Variants in DPP6 observed in about 807,000 individuals in gnomAD.
The protein encoded by DPP6 is A-type potassium channel modulatory protein DPP6.
Under a neutral mutation model 122.6 loss-of-function variants are expected in DPP6, and 69 were observed. The observed-to-expected ratio is 0.56, with a 90% CI of 0.46 to 0.69. The LOEUF is 0.69. Ranked by LOEUF, DPP6 falls within the 30% of genes least tolerant of loss-of-function variation. The probability of loss-of-function intolerance (pLI) is 0.00; values close to 1 mark genes in which losing one functional copy is unlikely to be tolerated. For missense variants in DPP6, 928 were observed against 1,116.9 expected, an observed-to-expected ratio of 0.83 and a Z score of 2.41; for synonymous variants, 418 against 433.1, an observed-to-expected ratio of 0.97 and a Z score of 0.43.
At chr7:154,762,003 G>A (rs2131517390) in intron 8 of DPP6, among the ~76,000 whole-genome samples, 1 of 152,264 alleles carries the variant, frequency 6.6e-6, no homozygotes, top group Non-Finnish European at 1.5e-5. Flanking sequence ...CTTCATCCAT[G>A]TCCCAAACAG....
chr7:154,466,992 G>A (rs1161888649), intron 2 of DPP6, among the ~76,000 whole-genome samples: 1 of 152,220 alleles, frequency 6.6e-6, no homozygotes, highest in Non-Finnish European at 1.5e-5. Flanking sequence ...CATCTGTACT[G>A]TGGCTCTGAG....
chr7:153,769,978 T>A, the DPP6 span, among the ~76,000 whole-genome samples: 3 of 151,970 alleles, frequency 2.0e-5, no homozygotes, highest in Admixed American at 2.0e-4. Flanking sequence ...GAAGGCAGGG[T>A]TCATATTCTC....
intron 1 of DPP6, among the ~76,000 whole-genome samples, chr7:154,088,224 C>T (rs1286782525): frequency 6.6e-6 from 1 of 152,030 alleles, no homozygotes; most frequent in Non-Finnish European, 1.5e-5. Context: ...AGGGGCTGTG[C>T]TCTCTGCCTG....
rs372263783 is a variant in DPP6 at position 154,425,408 on chromosome 7, T to C, written c.244-20806T>C. Among the ~76,000 whole-genome samples, 140 of 152,264 alleles carry C rather than the reference T, an allele frequency of 9.2e-4. 1 individual carries two copies. Among genetic ancestry groups the C allele is most frequent in the Middle Eastern group, 3.4e-3 (1 of 294 alleles). On this transcript the variant is annotated intron_variant, in intron 1 of 25. Transcript: ENST00000377770. ...GTAGGTAATTTGTGCAGCCCTAACA[T>C]TTCTCCCCTCTGGAGCTTAGCTGTA... is the stretch of plus-strand genomic sequence containing the variant.
chr7:153,903,071 G>A (rs1451010806), intron 1 of DPP6, among the ~76,000 whole-genome samples: 2 of 152,168 alleles, frequency 1.3e-5, no homozygotes, highest in Admixed American at 1.3e-4. Flanking sequence ...CTGAGTGCTC[G>A]AGATGTTGAC....
chr7:154,505,035 G>A (rs1825564384), intron 3 of DPP6, among the ~76,000 whole-genome samples: 1 of 152,130 alleles, frequency 6.6e-6, no homozygotes, highest in South Asian at 2.1e-4. Context: ...CTAGGAGACT[G>A]TCTCTTGACT....
At chr7:153,958,945 G>T (rs1172907856) in intron 1 of DPP6, among the ~76,000 whole-genome samples, 1 of 152,000 alleles carries the variant, frequency 6.6e-6, no homozygotes, top group Non-Finnish European at 1.5e-5. Flanking sequence ...CCCCCTGCTT[G>T]TAGTAATAAT....
chr7:154,831,896 G>C (rs1325660604), intron 16 of DPP6, among the ~76,000 whole-genome samples: 2 of 152,174 alleles, frequency 1.3e-5, no homozygotes, highest in African/African-American at 4.8e-5. Flanking sequence ...TCAGCTGCTA[G>C]CTTGAGATTC....
At chr7:154,057,621 G>A (rs1387771949) in intron 1 of DPP6, 1 of 150,860 alleles carries the variant, frequency 6.6e-6, no homozygotes, top group Non-Finnish European at 1.5e-5. Context: ...GAGCTGTGGG[G>A]TTTTGTAGGC....
At chr7:153,880,967 A>G in the DPP6 span, among the ~76,000 whole-genome samples, 25 of 152,212 alleles carry the variant, frequency 1.6e-4, no homozygotes, top group Non-Finnish European at 1.8e-4. Context: ...AGGTTGGTTT[A>G]TGTATACCCT....
chr7:153,850,669 G>A, the DPP6 span, among the ~76,000 whole-genome samples: 3 of 152,162 alleles, frequency 2.0e-5, no homozygotes, highest in Non-Finnish European at 4.4e-5. Context: ...ATGGCAGAAG[G>A]TGAATGAGGA....
intron 1 of DPP6, among the ~76,000 whole-genome samples, chr7:154,150,089 T>A (rs1796334736): frequency 6.6e-6 from 1 of 152,242 alleles, no homozygotes; most frequent in Admixed American, 6.5e-5. Context: ...CACAGTGGGA[T>A]TCTGATGCCT....
At chr7:153,850,598 T>G in the DPP6 span, among the ~76,000 whole-genome samples, 2 of 152,096 alleles carry the variant, frequency 1.3e-5, no homozygotes, top group African/African-American at 4.8e-5. Flanking sequence ...ATTGTGTAAT[T>G]TATAAAGGAA....
At chr7:154,627,367 T>C (rs1835152529) in intron 5 of DPP6, among the ~76,000 whole-genome samples, 1 of 151,610 alleles carries the variant, frequency 6.6e-6, no homozygotes, top group Admixed American at 6.6e-5. Flanking sequence ...AGCTAATTTT[T>C]TTTTGTATTT....
rs1799662234 is a variant in DPP6 at position 153,902,135 on chromosome 7, A to G, written c.51+14401A>G. ...ACCAGAATGGTGATGCACATCACAGACAAGATGCTAAAAGATCACAAAGAC... is the reference window on the plus strand; with the variant it reads ...ACCAGAATGGTGATGCACATCACAGGCAAGATGCTAAAAGATCACAAAGAC... On this transcript the variant is annotated intron_variant, in intron 1 of 25. Coordinates refer to the DPP6 transcript ENST00000404039. 2.0e-5 allele frequency among the ~76,000 whole-genome samples: 3 copies of G among 152,252 alleles called. No individual in the cohort carries two copies. In the South Asian group the frequency reaches 6.2e-4, roughly 31 times the overall value.
intron 1 of DPP6, among the ~76,000 whole-genome samples, chr7:154,169,526 T>G (rs989720933): frequency 3.3e-5 from 5 of 152,202 alleles, no homozygotes; most frequent in African/African-American, 1.2e-4. Flanking sequence ...CTTGATTTCC[T>G]TCATTTTAAA....
the DPP6 span, among the ~76,000 whole-genome samples, chr7:153,820,178 A>C: frequency 6.6e-6 from 1 of 152,200 alleles, no homozygotes; most frequent in Non-Finnish European, 1.5e-5. Flanking sequence ...CAATAGTACA[A>C]GCCTCAACAT....
chr7:153,844,591 G>A, the DPP6 span, among the ~76,000 whole-genome samples: 1 of 152,128 alleles, frequency 6.6e-6, no homozygotes, highest in East Asian at 1.9e-4. Context: ...TTCTTTTTCT[G>A]ATATTTTTTT....
At chr7:154,768,112 C>T (rs1796020861) in intron 8 of DPP6, among the ~76,000 whole-genome samples, 1 of 152,238 alleles carries the variant, frequency 6.6e-6, no homozygotes, top group South Asian at 2.1e-4. Flanking sequence ...AGCGTGCCTG[C>T]TGCAGGCCTC....
Sources: allele counts gnomAD v4.1 joint callset (sites outside exome capture counted in the v4.1 genomes callset), GRCh38; gene constraint gnomAD v4.1.1; transcripts MANE v1.5; gene names NCBI Gene and HGNC (gene_info 2026-07-23, HGNC 2026-07-21).